The following ANKRD62 variants were observed in gnomAD, a reference collection of about 807,000 sequenced individuals.
ANKRD62 encodes ankyrin repeat domain-containing protein 62.
ANKRD62 carries 61 observed loss-of-function variants against 98.8 expected under a neutral mutation model. The observed-to-expected ratio is 0.62, with a 90% confidence interval of 0.50 to 0.76. The LOEUF is 0.76. Ranked by LOEUF, ANKRD62 falls within the 30% of genes least tolerant of loss-of-function variation. The pLI is 0.00. For missense variants in ANKRD62, 933 were observed against 1,082.9 expected (o/e 0.86, Z 1.94); for synonymous variants, 341 against 367.9 (o/e 0.93, Z 0.84).
chr18:12,103,266 T>C (rs898846918), intron 7 of ANKRD62, 38 bp downstream of exon 7: 2 of 1,255,146 alleles, frequency 1.6e-6, no homozygotes, highest in South Asian at 5.9e-5. Context: ...TGGTTTTCTT[T>C]GGTAATGTAG....
At chr18:12,123,901 C>A (rs929084853) in intron 11 of ANKRD62, among the ~76,000 whole-genome samples, 4 of 152,248 alleles carry the variant, frequency 2.6e-5, no homozygotes, top group East Asian at 1.9e-4. Flanking sequence ...TTTCAACATC[C>A]TTTTCCATAA....
the ANKRD62 span, among the ~76,000 whole-genome samples, chr18:12,175,437 G>A: frequency 6.6e-6 from 1 of 152,124 alleles, no homozygotes; most frequent in Non-Finnish European, 1.5e-5. Flanking sequence ...ACACATGCAT[G>A]TGGGTCGGAC....
intron 10 of ANKRD62, among the ~76,000 whole-genome samples, chr18:12,120,959 AT>A (rs1279402774): frequency 6.6e-6 from 1 of 152,128 alleles, no homozygotes; most frequent in East Asian, 1.9e-4. Context: ...CTGTGGGAAT[AT>A]GGATTTTGCC....
chr18:12,127,219 A>T (rs887010142), intron 13 of ANKRD62, among the ~76,000 whole-genome samples: 2 of 152,182 alleles, frequency 1.3e-5, no homozygotes, highest in Non-Finnish European at 2.9e-5. Context: ...GAGGGGTGGT[A>T]GGAACGGTGG....
At chr18:12,113,260 TC>T in intron 8 of ANKRD62, among the ~76,000 whole-genome samples, 1 of 152,298 alleles carries the variant, frequency 6.6e-6, no homozygotes, top group East Asian at 1.9e-4. Flanking sequence ...AAGCTCAACT[TC>T]ACTGATCGTT....
intron 8 of ANKRD62, among the ~76,000 whole-genome samples, chr18:12,110,495 G>A (rs981653420): frequency 6.6e-6 from 1 of 152,132 alleles, no homozygotes; most frequent in Non-Finnish European, 1.5e-5. Context: ...AACATACTAG[G>A]TAATTAATCA....
rs1447443487 is a variant in ANKRD62 at position 12,125,674 on chromosome 18, T to A, written c.1853T>A (p.Ile618Lys). 2.6e-6 allele frequency: 4 copies of A among 1,535,140 alleles called. No homozygotes were observed. The highest frequency in any genetic ancestry group is 3.5e-6 in the Non-Finnish European group (4 of 1,146,144). The change falls in exon 13 of 14, where the codon ATA becomes AAA. Residue 618 changes from isoleucine (I) to lysine (K), a missense_variant. This residue lies in a region of ANKRD62 where 362 missense variants were observed against 434.5 expected (regional missense o/e 0.83). Coordinates refer to ENST00000587848, the MANE Select transcript of ANKRD62 (RefSeq NM_001277333.2). Reference protein sequence around the residue: ...KRNEEALTKTITRYSKELNVL... With the variant: ...KRNEEALTKTKTRYSKELNVL... ...AATGAGGAAGCATTAACAAAAACAA[T>A]AACCCGGTATAGTAAAGAGCTTAAT...
At chr18:12,171,316 C>T in the ANKRD62 span, among the ~76,000 whole-genome samples, 1 of 152,156 alleles carries the variant, frequency 6.6e-6, no homozygotes, top group African/African-American at 2.4e-5. Flanking sequence ...TTCAGGAGCT[C>T]TTGTAAGGCA....
the ANKRD62 span, among the ~76,000 whole-genome samples, chr18:12,179,502 G>A: frequency 6.7e-6 from 1 of 149,170 alleles, no homozygotes; most frequent in Non-Finnish European, 1.5e-5. Flanking sequence ...AACAATTGGT[G>A]TTCAAGTGTT....
In ANKRD62 at chr18:12,129,002, A is replaced by G. The variant is rs9965004; in HGVS notation, c.*1063A>G. On this transcript the variant is annotated 3_prime_UTR_variant, in exon 14 of 14. Coordinates refer to ENST00000587848, the MANE Select transcript of ANKRD62 (RefSeq NM_001277333.2). ...AATTGCTTGAACCTGGCGGGGTGGA[A>G]GTTGCGGTGAGCCAAGATGGTGCCA... 0.61 allele frequency: 93,259 copies of G among 151,916 alleles called. 29,064 individuals are homozygous for G. The highest frequency in any genetic ancestry group is 0.75 in the Middle Eastern group (222 of 296). 9.4% of individuals were successfully genotyped at this position (151,916 alleles called of 1,614,324 possible). A position where few individuals can be genotyped will look rare whatever the true frequency, so the allele number is the denominator to read the frequency against.
chr18:12,094,603 G>A (rs182855529), intron 1 of ANKRD62, among the ~76,000 whole-genome samples: 10 of 23,774 alleles, frequency 4.2e-4, no homozygotes, highest in Admixed American at 9.3e-4. Context: ...CTGTGGTGGG[G>A]AGTGGAGTGA....
chr18:12,133,728 T>C (rs977129814), downstream of ANKRD62, among the ~76,000 whole-genome samples: 1 of 152,142 alleles, frequency 6.6e-6, no homozygotes, highest in African/African-American at 2.4e-5. Context: ...ATTGCCTTTT[T>C]GTAGTTGATT....
At chr18:12,120,995 A>G (rs934721214) in intron 10 of ANKRD62, among the ~76,000 whole-genome samples, 1 of 151,850 alleles carries the variant, frequency 6.6e-6, no homozygotes, top group Non-Finnish European at 1.5e-5. Context: ...TGGGCCAATT[A>G]TTTTTCAATT....
At chr18:12,168,421 G>T in the ANKRD62 span, among the ~76,000 whole-genome samples, 4 of 152,022 alleles carry the variant, frequency 2.6e-5, no homozygotes, top group Non-Finnish European at 1.5e-5. Context: ...TTTTTGTCAG[G>T]TTTGTCAAAG....
chr18:12,137,160 T>C, the ANKRD62 span, among the ~76,000 whole-genome samples: 5 of 152,188 alleles, frequency 3.3e-5, no homozygotes, highest in East Asian at 1.9e-4. Flanking sequence ...TTTTTGCCCA[T>C]TCAGTATGAT....
At chr18:12,098,332 A>G (rs2143894837) in intron 5 of ANKRD62, 1 of 152,434 alleles carries the variant, frequency 6.6e-6, no homozygotes, top group East Asian at 1.9e-4. Flanking sequence ...GGAAGCCATT[A>G]GTCAGAATTA....
intron 4 of ANKRD62, 59 bp downstream of exon 4, chr18:12,096,361 A>T: frequency 1.1e-6 from 1 of 930,322 alleles, no homozygotes; most frequent in Non-Finnish European, 1.6e-6. Context: ...GAGTGGTAAC[A>T]GTCACTTGTC....
Position 12,102,428 on chromosome 18 carries a change from C to A in ANKRD62, c.821-730C>A, listed in dbSNP as rs1198333329. On this transcript the variant is annotated intron_variant, in intron 6 of 13. Coordinates refer to ENST00000587848, the MANE Select transcript of ANKRD62 (RefSeq NM_001277333.2). ...GGTTCGCAGCAACAGAGCTCAGCCT[C>A]CTTGGGCACCGCGAAGGGTACTCAG... 3 of 491,120 alleles carry A rather than the reference C, an allele frequency of 6.1e-6. No homozygotes were observed. The Admixed American group carries it at 7.6e-5, about 12-fold the overall frequency. 30.4% of individuals were successfully genotyped at this position (491,120 alleles called of 1,614,324 possible).
rs772529798 is a variant in ANKRD62 at position 12,125,901 on chromosome 18, G to T, written c.2080G>T (p.Asp694Tyr). The T allele has an allele frequency of 1.0e-5, 16 of 1,541,376 alleles. No homozygotes were observed. Among genetic ancestry groups the T allele is most frequent in the South Asian group, 3.6e-5 (3 of 84,058 alleles). Residue 694 changes from aspartate (D) to tyrosine (Y), a missense_variant, in exon 13 of 14, where the codon GAC becomes TAC. Physicochemically the swap from Asp to Tyr is radical, Grantham distance 160. Around this residue, in one of 3 missense-constraint regions of ANKRD62, gnomAD observed 362 missense variants for 434.5 expected, o/e 0.83. Transcript: ENST00000587848. ...GAATGAATGGTGTCATTTACAAGAA[G>T]ACACTAATTCTCACATTCAGATTCT... Reference protein sequence around the residue: ...TVNEWCHLQEDTNSHIQILSQ... With the variant: ...TVNEWCHLQEYTNSHIQILSQ...
Sources: allele counts gnomAD v4.1 joint callset (sites outside exome capture counted in the v4.1 genomes callset), GRCh38; gene constraint gnomAD v4.1.1; regional missense constraint gnomAD v4.1.1; transcripts MANE v1.5; gene names NCBI Gene and HGNC (gene_info 2026-07-23, HGNC 2026-07-21).